Variants in GRIK4 observed in about 807,000 individuals in gnomAD.
GRIK4 encodes glutamate receptor ionotropic, kainate 4.
A neutral mutation model predicts 104.9 loss-of-function variants in GRIK4; 40 were observed. That is an observed-to-expected ratio of 0.38 (90% CI 0.30 to 0.50). The LOEUF (loss-of-function observed/expected upper bound fraction) is 0.50, where lower values mean the gene tolerates loss of function less well. Among genes scored for constraint, GRIK4 ranks in the 20% least tolerant of loss-of-function variants. The pLI is 0.93. For synonymous variants in GRIK4, 485 were observed against 524.9 expected (o/e 0.92, Z 1.04); for missense variants, 1,047 against 1,308.1 (o/e 0.80, Z 3.08).
chr11:120,955,922 C>A (rs181458004), intron 15 of GRIK4, among the ~76,000 whole-genome samples: 2 of 152,062 alleles, frequency 1.3e-5, no homozygotes, highest in Non-Finnish European at 2.9e-5. Context: ...CCCGGTGGCA[C>A]CAGCATCATC....
chr11:120,895,342 T>G (rs1161856815), intron 11 of GRIK4, among the ~76,000 whole-genome samples: 1 of 152,168 alleles, frequency 6.6e-6, no homozygotes, highest in Non-Finnish European at 1.5e-5. Flanking sequence ...ATCCCAGTGC[T>G]GACATCTAGC....
intron 1 of GRIK4, among the ~76,000 whole-genome samples, 181 bp downstream of exon 1, chr11:120,512,068 GCTCCCGC>G (rs1319094163): frequency 1.8e-4 from 2 of 11,044 alleles, no homozygotes; most frequent in Non-Finnish European, 3.8e-4. Flanking sequence ...CCTCCTCCCC[GCTCCCGC>G]CTCCCGCCAG....
At chr11:120,748,726 C>G (rs1457898380) in intron 3 of GRIK4, among the ~76,000 whole-genome samples, 1 of 152,174 alleles carries the variant, frequency 6.6e-6, no homozygotes, top group African/African-American at 2.4e-5. Flanking sequence ...CTCTGTAAAG[C>G]CCTCCCTGGT....
At position 120,902,951 on chromosome 11, in the gene GRIK4, T is replaced by C. The variant is rs7109008; in HGVS notation, c.1273-2339T>C. On this transcript the variant is annotated intron_variant, in intron 12 of 20. Transcript: ENST00000527524. This position sits in a 1 kb window ranked among gnomAD's most constrained non-coding sequence, Gnocchi z 4.5. The stretch of plus-strand genomic sequence containing the variant: ...AATCACGTCACCTTCCACTCAGAGC[T>C]CCCGCTCCCTGACACATGACCTTTG... Among the ~76,000 whole-genome samples, 11,490 of 152,032 alleles carry C rather than the reference T, an allele frequency of 0.076. 1,466 individuals are homozygous for C. Among genetic ancestry groups the C allele is most frequent in the African/African-American group, 0.26 (10,868 of 41,346 alleles).
At chr11:120,790,458 G>A (rs916752528) in intron 3 of GRIK4, among the ~76,000 whole-genome samples, 1 of 152,108 alleles carries the variant, frequency 6.6e-6, no homozygotes, top group Non-Finnish European at 1.5e-5. Flanking sequence ...GGGTTATTAG[G>A]TAGGATTTGG....
chr11:120,744,238 CA>C (rs983213567), intron 3 of GRIK4, among the ~76,000 whole-genome samples: 15 of 152,144 alleles, frequency 9.9e-5, no homozygotes, highest in African/African-American at 3.4e-4. Flanking sequence ...TCGGCTCCAT[CA>C]GACTCTGCCG....
chr11:120,779,069 C>T (rs1383235560), intron 3 of GRIK4, among the ~76,000 whole-genome samples: 1 of 152,094 alleles, frequency 6.6e-6, no homozygotes, highest in Non-Finnish European at 1.5e-5. Flanking sequence ...ACCAGGACCT[C>T]AGTTGTGGGT....
At chr11:120,618,054 A>G (rs1329812320) in intron 1 of GRIK4, among the ~76,000 whole-genome samples, 1 of 152,158 alleles carries the variant, frequency 6.6e-6, no homozygotes, top group Non-Finnish European at 1.5e-5. Context: ...TTTCCTAGAG[A>G]CTTTTTGAAT....
chr11:120,780,716 T>TTTTG (rs769075211), intron 3 of GRIK4, among the ~76,000 whole-genome samples: 5 of 152,220 alleles, frequency 3.3e-5, no homozygotes, highest in South Asian at 2.1e-4. Flanking sequence ...CCGGGGTTTT[T>TTTTG]TTTGTTTGTT....
intron 1 of GRIK4, among the ~76,000 whole-genome samples, chr11:120,521,869 C>G (rs964533437): frequency 1.3e-5 from 2 of 152,200 alleles, no homozygotes; most frequent in African/African-American, 4.8e-5. Context: ...TATCCTGCCT[C>G]GGCTGCTGCC....
At chr11:120,783,469 C>T (rs1158779015) in intron 3 of GRIK4, among the ~76,000 whole-genome samples, 1 of 151,998 alleles carries the variant, frequency 6.6e-6, no homozygotes. Context: ...GTTTCCTCTT[C>T]TTCCTTTCTC....
At chr11:120,706,103 C>T (rs1175015565) in intron 3 of GRIK4, among the ~76,000 whole-genome samples, 1 of 152,154 alleles carries the variant, frequency 6.6e-6, no homozygotes, top group Non-Finnish European at 1.5e-5. Context: ...TGACCAAGTC[C>T]ATTGGATGTC....
At chr11:120,585,429 A>C (rs1264858661) in intron 1 of GRIK4, among the ~76,000 whole-genome samples, 4 of 151,076 alleles carry the variant, frequency 2.6e-5, no homozygotes. Flanking sequence ...AGCTCACTGC[A>C]ACCTCTGCCT....
intron 13 of GRIK4, among the ~76,000 whole-genome samples, chr11:120,927,755 ACTTCCAGCT>A (rs1355907519): frequency 1.3e-5 from 2 of 152,204 alleles, no homozygotes; most frequent in African/African-American, 4.8e-5. Context: ...TGTTAGACAC[ACTTCCAGCT>A]CTTGTTATGT....
chr11:120,702,365 T>C (rs1259050080), intron 3 of GRIK4, among the ~76,000 whole-genome samples: 1 of 152,284 alleles, frequency 6.6e-6, no homozygotes, highest in East Asian at 1.9e-4. Context: ...AATCTTGGTA[T>C]GCCAAATGTG....
At chr11:120,516,075 C>T (rs1164396812) in intron 1 of GRIK4, among the ~76,000 whole-genome samples, 1 of 152,192 alleles carries the variant, frequency 6.6e-6, no homozygotes, top group Non-Finnish European at 1.5e-5. Flanking sequence ...GAGGGAGACA[C>T]TTTTTGATTC....
intron 3 of GRIK4, among the ~76,000 whole-genome samples, chr11:120,692,738 CT>C (rs1008009434): frequency 6.6e-6 from 1 of 151,958 alleles, no homozygotes; most frequent in Non-Finnish European, 1.5e-5. Context: ...ACAGGCAACT[CT>C]TTTTTTTCTG....
At chr11:120,917,764 C>T (rs1312409785) in intron 13 of GRIK4, among the ~76,000 whole-genome samples, 3 of 152,206 alleles carry the variant, frequency 2.0e-5, no homozygotes, top group Non-Finnish European at 2.9e-5. Context: ...TAGCAGCTTC[C>T]TACTGGGAGC....
chr11:120,773,987 T>A (rs946084769), intron 3 of GRIK4, among the ~76,000 whole-genome samples: 10 of 152,132 alleles, frequency 6.6e-5, no homozygotes, highest in African/African-American at 2.4e-4. Context: ...CCACTGACAA[T>A]GAGCTCGCAA....
Sources: allele counts gnomAD v4.1 joint callset (sites outside exome capture counted in the v4.1 genomes callset), GRCh38; gene constraint gnomAD v4.1.1; non-coding constraint Gnocchi (gnomAD v3.1); transcripts MANE v1.5; gene names NCBI Gene and HGNC (gene_info 2026-07-23, HGNC 2026-07-21).